Variants in EXOC5 observed in about 807,000 individuals in gnomAD.
EXOC5 encodes the protein exocyst complex component 5.
In EXOC5, 17 loss-of-function variants were observed where a neutral mutation model predicts 90.8. That is an observed-to-expected ratio of 0.19 (90% confidence interval 0.13 to 0.28). The LOEUF (loss-of-function observed/expected upper bound fraction) is 0.28, where lower values mean the gene tolerates loss of function less well. Among genes scored for constraint, EXOC5 ranks in the 10% least tolerant of loss-of-function variants. The pLI, the probability that EXOC5 is intolerant of heterozygous loss-of-function variation, is 1.00. For missense variants in EXOC5, 569 were observed against 830.6 expected (o/e 0.69, Z 3.87); for synonymous variants, 260 against 270.0 (o/e 0.96, Z 0.36).
chr14:57,205,933 C>A lies in EXOC5; in HGVS notation c.*2676G>T. 2.2e-6 allele frequency: 1 copy of A among 456,142 alleles called. No individual in the cohort carries two copies. The highest frequency in any genetic ancestry group is 4.4e-6 in the Non-Finnish European group (1 of 226,614). 28.3% of individuals were successfully genotyped at this position (456,142 alleles called of 1,614,324 possible). On this transcript the variant is annotated 3_prime_UTR_variant, in exon 18 of 18. Coordinates refer to ENST00000621441, the MANE Select transcript of EXOC5 (RefSeq NM_006544.4). ...GTGGTCATCCATCTAAAGATCCATC[C>A]AGCTACTATTTAATAATTCTTCATA...
intron 1 of EXOC5, among the ~76,000 whole-genome samples, chr14:57,262,577 C>T (rs552922296): frequency 5.9e-5 from 8 of 136,580 alleles, no homozygotes; most frequent in Non-Finnish European, 1.1e-4. Context: ...TATATATATA[C>T]GTATATATAT....
rs190884857 is a variant in EXOC5 at position 57,232,577 on chromosome 14, T to G, written c.938+90A>C. The G allele has an allele frequency of 1.4e-4, 82 of 582,816 alleles. 1 individual carries two copies. In the Middle Eastern group the frequency reaches 3.2e-3, roughly 23 times the overall value. The allele number at this position is 582,816 out of a possible 1,614,324, so 36.1% of individuals were successfully genotyped here. On this transcript the variant is annotated intron_variant, in intron 10 of 17. Transcript: ENST00000621441. ...GCTAAAAGGTAAACTGGTGACAAACTTATTCAAAAATACCTGAATACTTCC... is the reference window on the plus strand; with the variant it reads ...GCTAAAAGGTAAACTGGTGACAAACGTATTCAAAAATACCTGAATACTTCC...
intron 6 of EXOC5, among the ~76,000 whole-genome samples, chr14:57,236,283 TTTTC>T (rs1222965290): frequency 6.8e-6 from 1 of 147,930 alleles, no homozygotes; most frequent in Non-Finnish European, 1.5e-5. Flanking sequence ...ATTTTTTTCA[TTTTC>T]TTTTTTTTTT....
chr14:57,256,164 T>A (rs1200896278), intron 1 of EXOC5, among the ~76,000 whole-genome samples: 2 of 152,142 alleles, frequency 1.3e-5, no homozygotes, highest in Non-Finnish European at 1.5e-5. Flanking sequence ...GGAGTGATCA[T>A]CTTTGGCTAG....
chr14:57,256,421 G>A (rs573860675), intron 1 of EXOC5, among the ~76,000 whole-genome samples: 244 of 152,282 alleles, frequency 1.6e-3, no homozygotes, highest in African/African-American at 5.5e-3. Flanking sequence ...GTAGAGGTGA[G>A]AGACAGTGAA....
chr14:57,244,995 CAA>C (rs202230061), intron 3 of EXOC5, among the ~76,000 whole-genome samples: 16 of 79,108 alleles, frequency 2.0e-4, no homozygotes, highest in Admixed American at 3.0e-4. Flanking sequence ...AACTCTGCCT[CAA>C]AAAAAAAAAA....
rs1345647022 is a variant in EXOC5 at position 57,201,569 on chromosome 14, TATATATA to T, written c.*7033_*7039del. Reference sequence around the variant, plus strand: ...CATATATTTTTATATATATTAATATTATATATATATATATATATATATATATAAAGGA... The same window carrying T: ...CATATATTTTTATATATATTAATATTTATATATATATATATATATAAAGGA... On this transcript the variant is annotated 3_prime_UTR_variant, in exon 18 of 18. Coordinates refer to ENST00000621441, the MANE Select transcript of EXOC5 (RefSeq NM_006544.4). The T allele has an allele frequency of 1.1e-5, 1 of 87,786 alleles. No individual in the cohort carries two copies. The highest frequency in any genetic ancestry group is 2.9e-5 in the Non-Finnish European group (1 of 34,032). 5.4% of individuals were successfully genotyped at this position (87,786 alleles called of 1,614,324 possible).
At chr14:57,228,064 CAAAAGAAG>C (rs1883364389) in intron 12 of EXOC5, among the ~76,000 whole-genome samples, 1 of 151,422 alleles carries the variant, frequency 6.6e-6, no homozygotes, top group Non-Finnish European at 1.5e-5. Flanking sequence ...TGGCACTTCT[CAAAAGAAG>C]ACATTTATGC....
chr14:57,244,331 T>C lies in EXOC5; in HGVS notation c.299A>G (p.Asp100Gly). The change falls in exon 4 of 18, where the codon GAT (aspartate) becomes GGT (glycine). Residue 100 changes from aspartate (D) to glycine (G), a missense_variant. This residue lies in a region of EXOC5 where 97 missense variants were observed against 177.9 expected (regional missense o/e 0.55). Transcript: ENST00000621441. ...QVAFQHFQEL[D>G]EHISYVATKV... ...AGTTGCTACATAGCTAATGTGCTCA[T>C]CTAGTTCTTGGAAATGTTGGAAGGC... 1 of 1,613,656 alleles carries C rather than the reference T, an allele frequency of 6.2e-7. No homozygotes were observed. The highest frequency in any genetic ancestry group is 8.5e-7 in the Non-Finnish European group (1 of 1,179,758).
intron 16 of EXOC5, 82 bp from the exon 17 acceptor site, chr14:57,209,864 T>A: frequency 7.9e-7 from 1 of 1,264,008 alleles, no homozygotes; most frequent in Non-Finnish European, 1.1e-6. Context: ...CATTAATCTT[T>A]AAGTATAAAA....
In EXOC5 at chr14:57,209,739, T is replaced by C. The variant is rs1882769311; in HGVS notation, c.1766A>G (p.Lys589Arg). Reference sequence around the variant, plus strand: ...CTTCCCATCCATGGAATTTTTAATCTTCTCCACTTGTTTTCTTACGTAAGC... The same window carrying C: ...CTTCCCATCCATGGAATTTTTAATCCTCTCCACTTGTTTTCTTACGTAAGC... ...VCAYVRKQVE[K>R]IKNSMDGKNV... Residue 589 changes from lysine (K) to arginine (R), a missense_variant, in exon 17 of 18, where the codon AAG becomes AGG. Lys to Arg is a conservative substitution (Grantham distance 26, BLOSUM62 2). Coordinates refer to ENST00000621441, the MANE Select transcript of EXOC5 (RefSeq NM_006544.4). 17 of 1,612,554 alleles carry C rather than the reference T, an allele frequency of 1.1e-5. No individual in the cohort carries two copies. The highest frequency in any genetic ancestry group is 1.4e-5 in the Non-Finnish European group (16 of 1,179,250).
At chr14:57,266,738 T>G (rs1034139212) in intron 1 of EXOC5, among the ~76,000 whole-genome samples, 1 of 33,854 alleles carries the variant, frequency 3.0e-5, no homozygotes, top group African/African-American at 6.4e-4. Flanking sequence ...TGTGTGTGTA[T>G]ATATATATAT....
intron 15 of EXOC5, among the ~76,000 whole-genome samples, chr14:57,217,283 CTTTG>C (rs1476160190): frequency 6.6e-6 from 1 of 152,116 alleles, no homozygotes; most frequent in Non-Finnish European, 1.5e-5. Flanking sequence ...TTTTATTCTG[CTTTG>C]TTTGACTGTG....
chr14:57,227,975 CGT>C (rs1324292876), intron 12 of EXOC5, among the ~76,000 whole-genome samples: 1 of 142,736 alleles, frequency 7.0e-6, no homozygotes. Flanking sequence ...CACACACACA[CGT>C]ATGTAAACTA....
chr14:57,232,025 CA>C, intron 10 of EXOC5: 1 of 242,644 alleles, frequency 4.1e-6, no homozygotes, highest in East Asian at 1.0e-4. Context: ...TAATGCCATT[CA>C]TCACATGGGA....
chr14:57,219,399 CA>C lies in EXOC5; in HGVS notation c.1448del (p.Leu483TrpfsTer25). The C allele has an allele frequency of 6.4e-7, 1 of 1,566,560 alleles. No individual in the cohort carries two copies. ...SDSRNANLYF[L>X]DVVQQANTIF... ...TAGTATTGGCCTGTTGCACAACGTC[CA>C]AAAAATAAAGATTTGCATTCCTAGA... On this transcript the variant is annotated frameshift_variant, in exon 14 of 18. Coordinates refer to ENST00000621441, the MANE Select transcript of EXOC5 (RefSeq NM_006544.4). LOFTEE classifies it high-confidence loss of function.
intron 14 of EXOC5, 61 bp from the exon 15 acceptor site, chr14:57,218,129 T>G (rs1375227852): frequency 1.3e-6 from 1 of 779,652 alleles, no homozygotes; most frequent in Non-Finnish European, 2.2e-6. Flanking sequence ...TCTAAAAGTT[T>G]TTCATACACC....
chr14:57,223,400 G>A (rs1171030404), intron 12 of EXOC5, among the ~76,000 whole-genome samples: 2 of 151,938 alleles, frequency 1.3e-5, no homozygotes, highest in African/African-American at 2.4e-5. Flanking sequence ...ATTATCTGAT[G>A]TATTAAATTA....
intron 13 of EXOC5, among the ~76,000 whole-genome samples, chr14:57,220,405 T>C (rs1566726815): frequency 6.6e-6 from 1 of 152,112 alleles, no homozygotes; most frequent in African/African-American, 2.4e-5. Context: ...AGAACTCAGC[T>C]ACAGTGTAAG....
Sources: allele counts gnomAD v4.1 joint callset (sites outside exome capture counted in the v4.1 genomes callset), GRCh38; gene constraint gnomAD v4.1.1; regional missense constraint gnomAD v4.1.1; transcripts MANE v1.5; gene names NCBI Gene and HGNC (gene_info 2026-07-23, HGNC 2026-07-21).